CPVL: variants seen among roughly 807,000 people sequenced by gnomAD.
CPVL encodes carboxypeptidase vitellogenic like.
CPVL carries 51 observed loss-of-function variants against 63.7 expected under a neutral mutation model. That is an observed-to-expected ratio of 0.80 (90% CI 0.64 to 1.01). CPVL has a LOEUF of 1.01. Among genes scored for constraint, CPVL ranks in the 50% least tolerant of loss-of-function variants. The pLI is 0.00. For synonymous variants in CPVL, 195 were observed against 206.0 expected (o/e 0.95, Z 0.46); for missense variants, 530 against 573.1 (o/e 0.92, Z 0.77).
chr7:29,066,082 G>T lies in CPVL; in HGVS notation c.904C>A (p.Pro302Thr). 6.2e-7 allele frequency: 1 copy of T among 1,607,378 alleles called. No homozygotes were observed. Among genetic ancestry groups the T allele is most frequent in the Non-Finnish European group, 8.5e-7 (1 of 1,175,768 alleles). Reference sequence around the variant, plus strand: ...CCTGTAACATTCTGGAAGTAAGAAGGATCACTTGTTAAGTCGCCATCTAGT... The same window carrying T: ...CCTGTAACATTCTGGAAGTAAGAAGTATCACTTGTTAAGTCGCCATCTAGT... ...KLLDGDLTSD[P>T]SYFQNVTGCS... The change falls in exon 10 of 13, where the codon CCT (proline) becomes ACT (threonine). Residue 302 changes from proline to threonine, a missense_variant. Transcript: ENST00000265394.
At chr7:29,000,885 TTC>T (rs1784564060) in intron 12 of CPVL, 1 of 152,262 alleles carries the variant, frequency 6.6e-6, no homozygotes, top group Non-Finnish European at 1.5e-5. Context: ...TTAATCTGCT[TTC>T]TGTCTCTATA....
chr7:29,122,486 T>G (rs1471739229), intron 1 of CPVL: 1 of 152,192 alleles, frequency 6.6e-6, no homozygotes, highest in Non-Finnish European at 1.5e-5. Flanking sequence ...TGCTGGTTCT[T>G]GGTAAAACGA....
intron 11 of CPVL, among the ~76,000 whole-genome samples, chr7:29,053,956 T>C (rs1427548006): frequency 6.6e-6 from 1 of 151,404 alleles, no homozygotes; most frequent in East Asian, 1.9e-4. Flanking sequence ...ATGCCTATAG[T>C]CCCAGCTACT....
At chr7:29,014,372 G>A (rs1005903153) in intron 12 of CPVL, among the ~76,000 whole-genome samples, 4 of 152,282 alleles carry the variant, frequency 2.6e-5, no homozygotes, top group South Asian at 2.1e-4. Context: ...TTACTCTGAC[G>A]CCCAGGCTGG....
In CPVL at chr7:29,064,245, G is replaced by A. The variant is rs757665547; in HGVS notation, c.964-11C>T. On this transcript the variant is annotated splice_polypyrimidine_tract_variant and intron_variant, in intron 10 of 12. Transcript: ENST00000265394. ...CTGATCCTCAGGTTCCTGGCAGAAG[G>A]GGCATTGGAAAGACATAGGGAACAT... 3.1e-6 allele frequency: 5 copies of A among 1,595,416 alleles called. No individual in the cohort carries two copies. The East Asian group carries it at 1.1e-4, about 36-fold the overall frequency.
At chr7:29,072,490 C>T (rs77813909) in intron 7 of CPVL, 67 bp from the exon 8 acceptor site, 3 of 1,557,550 alleles carry the variant, frequency 1.9e-6, no homozygotes, top group African/African-American at 2.7e-5. Context: ...TGTACTTAAG[C>T]TAATTAAAAT....
chr7:29,170,973 G>A (rs1796526249), intron 5 of CPVL, among the ~76,000 whole-genome samples: 2 of 151,976 alleles, frequency 1.3e-5, no homozygotes, highest in Non-Finnish European at 2.9e-5. Flanking sequence ...TACCTCCCAC[G>A]GGGTCCCTCC....
chr7:28,997,648 T>C (rs931215117), intron 12 of CPVL, among the ~76,000 whole-genome samples: 2 of 152,182 alleles, frequency 1.3e-5, no homozygotes, highest in Non-Finnish European at 2.9e-5. Context: ...TTAAGTGAGA[T>C]AACTAGCTAG....
At chr7:29,124,388 T>G (rs75117477) in intron 1 of CPVL, among the ~76,000 whole-genome samples, 3,301 of 152,270 alleles carry the variant, frequency 0.022, 131 homozygotes, top group African/African-American at 0.075. Flanking sequence ...AATGTTCTTC[T>G]TAATAAATGT....
chr7:29,099,436 G>T lies in CPVL; in HGVS notation c.289-3219C>A, dbSNP rs117525448. Among the ~76,000 whole-genome samples the T allele has an allele frequency of 7.0e-4, 106 of 152,326 alleles. 1 individual carries two copies. Among genetic ancestry groups the T allele is most frequent in the East Asian group, 6.6e-3 (34 of 5,176 alleles). Reference sequence around the variant, plus strand: ...TTTTATAAGTCAAAGCAGAGGCTGGGTATGGTGGCGCATGCCTATGATCCC... The same window carrying T: ...TTTTATAAGTCAAAGCAGAGGCTGGTTATGGTGGCGCATGCCTATGATCCC... On this transcript the variant is annotated intron_variant, in intron 3 of 12. Transcript: ENST00000265394.
intron 5 of CPVL, among the ~76,000 whole-genome samples, chr7:29,155,244 G>C (rs1376418403): frequency 6.6e-6 from 1 of 151,860 alleles, no homozygotes; most frequent in Non-Finnish European, 1.5e-5. Flanking sequence ...TCTAAACTTG[G>C]GTTGCACCAT....
chr7:29,182,270 A>G (rs188813695), intron 4 of CPVL, among the ~76,000 whole-genome samples: 1 of 152,350 alleles, frequency 6.6e-6, no homozygotes, highest in African/African-American at 2.4e-5. Flanking sequence ...GAAGGTTAGC[A>G]GTGGTGGAAT....
chr7:29,135,395 G>A (rs1296623598), intron 1 of CPVL, among the ~76,000 whole-genome samples: 6 of 150,884 alleles, frequency 4.0e-5, no homozygotes, highest in East Asian at 2.0e-4. Flanking sequence ...GCAGTGGCGC[G>A]ATCTTGGCTC....
intron 1 of CPVL, among the ~76,000 whole-genome samples, chr7:29,187,015 A>G (rs1798796510): frequency 1.3e-5 from 2 of 152,204 alleles, no homozygotes; most frequent in Non-Finnish European, 2.9e-5. Context: ...CAGGATTGTT[A>G]TGGGTATATG....
At chr7:29,146,724 G>T, upstream of CPVL, 1 of 1,550,526 alleles carries the variant, frequency 6.4e-7, no homozygotes, top group South Asian at 1.2e-5. Flanking sequence ...TTAATGAAGA[G>T]CATCGGCGGG....
intron 5 of CPVL, among the ~76,000 whole-genome samples, chr7:29,093,087 T>C (rs1021333233): frequency 4.6e-5 from 7 of 152,084 alleles, no homozygotes; most frequent in African/African-American, 1.7e-4. Flanking sequence ...GGCTCTGTCC[T>C]GCCAAGAAGA....
intron 7 of CPVL, among the ~76,000 whole-genome samples, chr7:29,079,827 A>G (rs1158079216): frequency 6.6e-6 from 1 of 152,150 alleles, no homozygotes. Flanking sequence ...ATATCTACCC[A>G]TCAGGTAGGC....
At chr7:28,997,452 A>C (rs142029574) in intron 12 of CPVL, among the ~76,000 whole-genome samples, 106 of 152,284 alleles carry the variant, frequency 7.0e-4, no homozygotes, top group Middle Eastern at 6.8e-3. Context: ...CCTATATCCC[A>C]ACACCCTCCA....
intron 5 of CPVL, among the ~76,000 whole-genome samples, chr7:29,178,923 A>G (rs1418925154): frequency 2.0e-5 from 3 of 152,238 alleles, no homozygotes; most frequent in Non-Finnish European, 1.5e-5. Context: ...TAAAAAGAAC[A>G]CTAACACACC....
Sources: gnomAD v4.1 joint callset for allele counts (sites outside exome capture counted in the v4.1 genomes callset) on GRCh38, gnomAD v4.1.1 for gene constraint, MANE v1.5 for transcripts, NCBI Gene and HGNC (gene_info 2026-07-23, HGNC 2026-07-21) for gene names.